Variants in MBD5 observed in about 807,000 individuals in gnomAD.
The protein encoded by MBD5 is methyl-CpG binding domain protein 5.
A neutral mutation model predicts 117.3 loss-of-function variants in MBD5; 13 were observed. The observed-to-expected ratio is 0.11, with a 90% CI of 0.07 to 0.18. The LOEUF is 0.18. Ranked by LOEUF, MBD5 falls within the 10% of genes least tolerant of loss-of-function variation. The probability of loss-of-function intolerance (pLI) is 1.00; values close to 1 mark genes in which losing one functional copy is unlikely to be tolerated. For synonymous variants in MBD5, 727 were observed against 766.4 expected (o/e 0.95, Z 0.85); for missense variants, 1,879 against 2,093.8 (o/e 0.90, Z 2.00).
At chr2:148,296,922 G>A (rs1701670040) in intron 3 of MBD5, among the ~76,000 whole-genome samples, 1 of 119,404 alleles carries the variant, frequency 8.4e-6, no homozygotes, top group Non-Finnish European at 1.6e-5. Context: ...GGCTGTACTG[G>A]AGAGTACAGT....
intron 1 of MBD5, among the ~76,000 whole-genome samples, chr2:148,151,774 G>A (rs1315649433): frequency 6.6e-6 from 1 of 151,912 alleles, no homozygotes; most frequent in African/African-American, 2.4e-5. Context: ...ATTTCTGTGG[G>A]ATCGGTGGTG....
rs549524737 is a variant in MBD5 at position 148,443,412 on chromosome 2, G to A, written c.-556-14791G>A. ...TCCTAGGTAGATACCCAAAAGAATG[G>A]AAATCTGTATCAGATATCTGCACTC... is the stretch of plus-strand genomic sequence containing the variant. On this transcript the variant is annotated intron_variant, in intron 4 of 13. Transcript: ENST00000642680. Among the ~76,000 whole-genome samples, 4 of 151,050 alleles carry A rather than the reference G, an allele frequency of 2.6e-5. No homozygotes were observed. The South Asian group carries it at 8.3e-4, about 31-fold the overall frequency.
At chr2:148,298,036 T>C (rs1248710930) in intron 3 of MBD5, among the ~76,000 whole-genome samples, 1 of 152,188 alleles carries the variant, frequency 6.6e-6, no homozygotes, top group East Asian at 1.9e-4. Context: ...AGCAGAGCAG[T>C]GTGCAGAGGA....
At chr2:148,258,682 C>G (rs1700653461) in intron 3 of MBD5, among the ~76,000 whole-genome samples, 1 of 152,204 alleles carries the variant, frequency 6.6e-6, no homozygotes, top group Non-Finnish European at 1.5e-5. Flanking sequence ...AATTGCTGCT[C>G]CAGAGACAAC....
intron 3 of MBD5, among the ~76,000 whole-genome samples, chr2:148,300,133 T>C (rs541278368): frequency 6.6e-6 from 1 of 152,132 alleles, no homozygotes; most frequent in African/African-American, 2.4e-5. Context: ...CAGCTCACTG[T>C]AACCTCCGCC....
At chr2:148,166,647 C>G (rs1698131497) in intron 1 of MBD5, among the ~76,000 whole-genome samples, 1 of 152,102 alleles carries the variant, frequency 6.6e-6, no homozygotes, top group Non-Finnish European at 1.5e-5. Flanking sequence ...TCATTTAATT[C>G]TTTAAGTATT....
At chr2:148,322,908 C>A (rs10175900) in intron 3 of MBD5, among the ~76,000 whole-genome samples, 28,767 of 148,324 alleles carry the variant, frequency 0.19, 2,869 homozygotes, top group African/African-American at 0.2. Flanking sequence ...GGTTAGTTAC[C>A]TATGTATACA....
At position 148,173,556 on chromosome 2, in the gene MBD5, C is replaced by T. The variant is rs1025066341; in HGVS notation, c.-924-5144C>T. Among the ~76,000 whole-genome samples, 6 of 152,144 alleles carry T rather than the reference C, an allele frequency of 3.9e-5. No individual in the cohort carries two copies. In the East Asian group the frequency reaches 1.2e-3, roughly 29 times the overall value. ...ATGAGCCCAGTGGACCCTAGCAAAA[C>T]TCAGGCAAAGGCGCCACTAGCCACA... On this transcript the variant is annotated intron_variant, in intron 1 of 13. Transcript: ENST00000642680.
intron 1 of MBD5, among the ~76,000 whole-genome samples, chr2:148,153,215 C>A (rs1296753633): frequency 8.6e-5 from 13 of 151,292 alleles, no homozygotes; most frequent in East Asian, 6.0e-4. Flanking sequence ...GTTTGGCTGG[C>A]TATGAAATTC....
chr2:148,126,321 G>A (rs764314326), intron 1 of MBD5, among the ~76,000 whole-genome samples: 9 of 149,890 alleles, frequency 6.0e-5, no homozygotes, highest in African/African-American at 1.5e-4. Flanking sequence ...CAGGAGAATC[G>A]CTTGAACCCA....
At chr2:148,142,163 A>G (rs1443743844) in intron 1 of MBD5, among the ~76,000 whole-genome samples, 1 of 152,140 alleles carries the variant, frequency 6.6e-6, no homozygotes, top group African/African-American at 2.4e-5. Context: ...AACCAAAACA[A>G]TAGAGTGAAT....
chr2:148,301,775 C>T (rs1195265171), intron 3 of MBD5, among the ~76,000 whole-genome samples: 1 of 152,180 alleles, frequency 6.6e-6, no homozygotes, highest in Admixed American at 6.5e-5. Context: ...TTTTCTTTAG[C>T]AGTCTAGTGT....
intron 7 of MBD5, among the ~76,000 whole-genome samples, chr2:148,465,197 G>A (rs1452046864): frequency 1.3e-5 from 2 of 152,104 alleles, no homozygotes; most frequent in African/African-American, 2.4e-5. Flanking sequence ...ATACTGCATA[G>A]ATGATGTTAG....
intron 2 of MBD5, among the ~76,000 whole-genome samples, chr2:148,182,558 A>G (rs73009268): frequency 7.2e-4 from 109 of 152,330 alleles, no homozygotes; most frequent in African/African-American, 2.5e-3. Context: ...TGAGATGTGC[A>G]TGTTTGCTCC....
At chr2:148,080,327 C>T (rs1695618088) in intron 1 of MBD5, among the ~76,000 whole-genome samples, 1 of 152,146 alleles carries the variant, frequency 6.6e-6, no homozygotes, top group Non-Finnish European at 1.5e-5. Flanking sequence ...TATTTAGTTT[C>T]AGACACATCT....
intron 4 of MBD5, among the ~76,000 whole-genome samples, chr2:148,367,423 C>G (rs1477600783): frequency 1.3e-5 from 2 of 151,948 alleles, no homozygotes; most frequent in Non-Finnish European, 2.9e-5. Context: ...ATGGGCAAAG[C>G]CTTCATGACC....
At chr2:148,235,415 TC>T (rs1177684834) in intron 3 of MBD5, among the ~76,000 whole-genome samples, 2 of 152,220 alleles carry the variant, frequency 1.3e-5, no homozygotes, top group East Asian at 3.8e-4. Flanking sequence ...TTATTAAGAA[TC>T]AAGCCCTTTG....
At position 148,329,734 on chromosome 2, in the gene MBD5, C is replaced by T. The variant is rs138913070; in HGVS notation, c.-679-12480C>T. Among the ~76,000 whole-genome samples the T allele has an allele frequency of 1.1e-3, 175 of 152,248 alleles. 1 individual carries two copies. The highest frequency in any genetic ancestry group is 3.7e-3 in the African/African-American group (152 of 41,540). The stretch of plus-strand genomic sequence containing the variant: ...TGGAATGATTTGAGCAACAATTGCA[C>T]ATTCTTATATTTTATACAAAATATG... On this transcript the variant is annotated intron_variant, in intron 3 of 13. Transcript: ENST00000642680.
chr2:148,355,383 G>A (rs115031266), intron 4 of MBD5, among the ~76,000 whole-genome samples: 3,053 of 151,134 alleles, frequency 0.02, 116 homozygotes, highest in African/African-American at 0.071. Flanking sequence ...GGTATTGCCC[G>A]GGTTTTCTTC....
Sources: gnomAD v4.1 joint callset for allele counts (sites outside exome capture counted in the v4.1 genomes callset) on GRCh38, gnomAD v4.1.1 for gene constraint, MANE v1.5 for transcripts, NCBI Gene and HGNC (gene_info 2026-07-23, HGNC 2026-07-21) for gene names.